Variants in SYNDIG1 observed in about 807,000 individuals in gnomAD.
SYNDIG1 encodes synapse differentiation-inducing gene protein 1.
Under a neutral mutation model 19.4 loss-of-function variants are expected in SYNDIG1, and 9 were observed. The ratio of observed to expected loss-of-function variants is 0.46; its 90% CI spans 0.28 to 0.81. The LOEUF (loss-of-function observed/expected upper bound fraction) is 0.81. Among genes scored for constraint, SYNDIG1 ranks in the 30% least tolerant of loss-of-function variants. The pLI is 0.12. For synonymous variants in SYNDIG1, 141 were observed against 145.9 expected (o/e 0.97, Z 0.24); for missense variants, 311 against 343.3 (o/e 0.91, Z 0.74).
chr20:24,529,216 CTGTG>C lies in SYNDIG1; in HGVS notation c.-78-13797_-78-13794del, dbSNP rs1407382816. Among the ~76,000 whole-genome samples, 12 of 152,162 alleles carry C rather than the reference CTGTG, an allele frequency of 7.9e-5. No individual in the cohort carries two copies. In the East Asian group the frequency reaches 2.3e-3, roughly 29 times the overall value. On this transcript the variant is annotated intron_variant, in intron 1 of 3. Transcript: ENST00000376862. ...AGCCTCTGCATCTCTAAACCATGGA[CTGTG>C]TGTGTGGGAGGACATCACTGTTGAT...
At chr20:24,661,129 G>A (rs2059580959) in intron 3 of SYNDIG1, among the ~76,000 whole-genome samples, 1 of 152,214 alleles carries the variant, frequency 6.6e-6, no homozygotes, top group Non-Finnish European at 1.5e-5. Flanking sequence ...AGGCCTTGAG[G>A]CATCTAAATT....
chr20:24,489,640 A>G (rs889458472), intron 1 of SYNDIG1, among the ~76,000 whole-genome samples: 5 of 152,132 alleles, frequency 3.3e-5, no homozygotes, highest in Admixed American at 3.3e-4. Context: ...GCTTAAACAG[A>G]CATACATTCA....
intron 3 of SYNDIG1, among the ~76,000 whole-genome samples, chr20:24,643,044 T>C (rs895879997): frequency 5.3e-5 from 8 of 152,228 alleles, no homozygotes; most frequent in Non-Finnish European, 8.8e-5. Context: ...TGTTTAAATA[T>C]GTAGAAATAT....
At chr20:24,623,316 G>A (rs1170550629) in intron 3 of SYNDIG1, among the ~76,000 whole-genome samples, 3 of 152,122 alleles carry the variant, frequency 2.0e-5, no homozygotes, top group Non-Finnish European at 2.9e-5. Flanking sequence ...TCCCTCAAAA[G>A]TCAAGGATAA....
chr20:24,580,045 G>A (rs1417306513), intron 2 of SYNDIG1, among the ~76,000 whole-genome samples: 1 of 152,230 alleles, frequency 6.6e-6, no homozygotes, highest in Non-Finnish European at 1.5e-5. Context: ...GCCCTGGAGG[G>A]CACCTGCCTT....
chr20:24,596,494 T>C (rs940195034), intron 3 of SYNDIG1, among the ~76,000 whole-genome samples: 3 of 152,176 alleles, frequency 2.0e-5, no homozygotes, highest in Admixed American at 2.0e-4. Context: ...TTCTACTGCC[T>C]GAGCCTCCCA....
chr20:24,559,997 A>G (rs1451492422), intron 2 of SYNDIG1, among the ~76,000 whole-genome samples: 1 of 39,246 alleles, frequency 2.5e-5, no homozygotes, highest in Admixed American at 2.4e-4. Context: ...TCTTCTTCAT[A>G]TTTGGGAAGG....
rs558901611 is a variant in SYNDIG1 at position 24,507,926 on chromosome 20, G to A, written c.-78-35094G>A. 5.9e-5 allele frequency among the ~76,000 whole-genome samples: 9 copies of A among 152,224 alleles called. No homozygotes were observed. In the East Asian group the frequency reaches 1.2e-3, roughly 20 times the overall value. On this transcript the variant is annotated intron_variant, in intron 1 of 3. Coordinates refer to ENST00000376862, the MANE Select transcript of SYNDIG1 (RefSeq NM_024893.3). ...GCTGTTCCACAACCCAGGAACCTGCGCAGGGAAGCTGCCTTCCTGCAGGGA... is the reference window on the plus strand; with the variant it reads ...GCTGTTCCACAACCCAGGAACCTGCACAGGGAAGCTGCCTTCCTGCAGGGA...
chr20:24,551,469 G>A (rs1332211513), intron 2 of SYNDIG1, among the ~76,000 whole-genome samples: 1 of 151,398 alleles, frequency 6.6e-6, no homozygotes, highest in Non-Finnish European at 1.5e-5. Flanking sequence ...TCGTTATTTA[G>A]TTTTCCATTT....
intron 1 of SYNDIG1, among the ~76,000 whole-genome samples, chr20:24,471,724 C>T (rs549366392): frequency 4.1e-4 from 63 of 152,136 alleles, no homozygotes; most frequent in African/African-American, 9.2e-4. Flanking sequence ...TGTGTACCCC[C>T]CACCCAGTCA....
intron 1 of SYNDIG1, among the ~76,000 whole-genome samples, chr20:24,486,524 A>G (rs1010594916): frequency 2.6e-5 from 4 of 152,226 alleles, no homozygotes; most frequent in African/African-American, 4.8e-5. Context: ...TTCAAGCACC[A>G]TTCCTCAAAC....
chr20:24,618,364 G>A (rs968007758), intron 3 of SYNDIG1, among the ~76,000 whole-genome samples: 6 of 150,076 alleles, frequency 4.0e-5, no homozygotes, highest in Non-Finnish European at 8.9e-5. Flanking sequence ...AGGGGGGAGA[G>A]CCTGGGGAAG....
chr20:24,652,520 C>T (rs1297122803), intron 3 of SYNDIG1, among the ~76,000 whole-genome samples: 2 of 152,224 alleles, frequency 1.3e-5, no homozygotes, highest in Non-Finnish European at 2.9e-5. Flanking sequence ...TTGGCTGTGA[C>T]TCCAGTAAGT....
chr20:24,542,439 G>C (rs570573501), intron 1 of SYNDIG1, among the ~76,000 whole-genome samples: 7 of 152,176 alleles, frequency 4.6e-5, no homozygotes, highest in Non-Finnish European at 7.3e-5. Context: ...AGCTGGTGCT[G>C]ATGCTTCTGG....
At chr20:24,571,093 C>T (rs2058133276) in intron 2 of SYNDIG1, among the ~76,000 whole-genome samples, 1 of 152,064 alleles carries the variant, frequency 6.6e-6, no homozygotes, top group Non-Finnish European at 1.5e-5. Flanking sequence ...CAACCAACAG[C>T]AGTGCAGTGA....
chr20:24,665,308 G>A (rs1568725773), intron 3 of SYNDIG1, 38 bp from the exon 4 acceptor site: 1 of 1,573,118 alleles, frequency 6.4e-7, no homozygotes, highest in East Asian at 2.3e-5. Flanking sequence ...GTTCCGACTT[G>A]CTTACAATGA....
chr20:24,532,244 C>G (rs916601463), intron 1 of SYNDIG1, among the ~76,000 whole-genome samples: 1 of 152,188 alleles, frequency 6.6e-6, no homozygotes, highest in African/African-American at 2.4e-5. Flanking sequence ...CATTTCCCCC[C>G]ACAATGAAAG....
chr20:24,487,613 G>A (rs1304717937), intron 1 of SYNDIG1, among the ~76,000 whole-genome samples: 1 of 152,184 alleles, frequency 6.6e-6, no homozygotes, highest in African/African-American at 2.4e-5. Context: ...GCACCCCCAC[G>A]TGCACACAGA....
chr20:24,632,075 A>C lies in SYNDIG1; in HGVS notation c.619-33271A>C, dbSNP rs191030539. On this transcript the variant is annotated intron_variant, in intron 3 of 3. Coordinates refer to ENST00000376862, the MANE Select transcript of SYNDIG1 (RefSeq NM_024893.3). ...CTAACTTCAGAGGGTGGCACAGACT[A>C]GACCAGAACTAGACTCATTCATCTC... Among the ~76,000 whole-genome samples the C allele has an allele frequency of 9.2e-5, 14 of 152,282 alleles. No homozygotes were observed. The East Asian group carries it at 2.7e-3, about 29-fold the overall frequency.
Sources: gnomAD v4.1 joint callset for allele counts (sites outside exome capture counted in the v4.1 genomes callset) on GRCh38, gnomAD v4.1.1 for gene constraint, MANE v1.5 for transcripts, NCBI Gene and HGNC (gene_info 2026-07-23, HGNC 2026-07-21) for gene names.